TAAR2: variants seen among roughly 807,000 people sequenced by gnomAD.
TAAR2 encodes the protein trace amine associated receptor 2, also known as trace amine-associated receptor 2.
Under a neutral mutation model 25.5 loss-of-function variants are expected in TAAR2, and 30 were observed. The ratio of observed to expected loss-of-function variants is 1.18; its 90% CI spans 0.88 to 1.60. The LOEUF (loss-of-function observed/expected upper bound fraction) is 1.60. Among genes scored for constraint, TAAR2 ranks in the 40% most tolerant of loss-of-function variants. The pLI, the probability that TAAR2 is intolerant of heterozygous loss-of-function variation, is 0.00. For synonymous variants in TAAR2, 150 were observed against 142.4 expected, an observed-to-expected ratio of 1.05 and a Z score of -0.38; for missense variants, 481 against 416.5, an observed-to-expected ratio of 1.15 and a Z score of -1.35.
Position 132,618,062 on chromosome 6 carries a change from T to C in TAAR2, c.144A>G (p.Ser48=), listed in dbSNP as rs576144679. 1.9e-6 allele frequency: 3 copies of C among 1,614,050 alleles called. No individual in the cohort carries two copies. The East Asian group carries it at 6.7e-5, about 36-fold the overall frequency. ...TGATGAATATGGATCCTGCCATAAA[T>C]GAATACATAGCCACTCGGACACCCA... ...RSLGVRVAMY[S]FMAGSIFITI... Residue 48 remains serine (S), a synonymous_variant, in exon 2 of 2, where the codon TCA becomes TCG. Coordinates refer to ENST00000367931, the MANE Select transcript of TAAR2 (RefSeq NM_001033080.1).
At chr6:132,621,950 T>C (rs1777380823) in intron 1 of TAAR2, among the ~76,000 whole-genome samples, 1 of 151,540 alleles carries the variant, frequency 6.6e-6, no homozygotes, top group Non-Finnish European at 1.5e-5. Flanking sequence ...AAACCGTATC[T>C]TTCATATCTT....
At chr6:132,620,905 A>G (rs1297920176) in intron 1 of TAAR2, among the ~76,000 whole-genome samples, 1 of 151,838 alleles carries the variant, frequency 6.6e-6, no homozygotes, top group Non-Finnish European at 1.5e-5. Context: ...GACAGAAAGA[A>G]AAAAGAAGAG....
chr6:132,621,948 T>C (rs563047683), intron 1 of TAAR2, among the ~76,000 whole-genome samples: 16 of 151,652 alleles, frequency 1.1e-4, no homozygotes, highest in Middle Eastern at 3.4e-3. Flanking sequence ...AAAAACCGTA[T>C]CTTTCATATC....
At chr6:132,623,666 T>C (rs1777404448) in intron 1 of TAAR2, among the ~76,000 whole-genome samples, 1 of 146,270 alleles carries the variant, frequency 6.8e-6, no homozygotes, top group Non-Finnish European at 1.5e-5. Flanking sequence ...TGCTGATTTA[T>C]AACTTAACAA....
chr6:132,617,682 G>A lies in TAAR2; in HGVS notation c.524C>T (p.Ala175Val), dbSNP rs753995325. The A allele has an allele frequency of 8.7e-6, 14 of 1,613,862 alleles. No individual in the cohort carries two copies. In the South Asian group the frequency reaches 1.4e-4, roughly 16 times the overall value. ...LLCWSVPGAF[A>V]FGVVFSEAYA... ...GGCCTCTGAGAAGACCACCCCGAAG[G>A]CAAATGCTCCAGGGACCGACCAACA... Residue 175 changes from alanine to valine, a missense_variant, in exon 2 of 2, where the codon GCC (alanine) becomes GTC (valine). Ala to Val is a moderately conservative substitution (Grantham distance 64). Coordinates refer to ENST00000367931, the MANE Select transcript of TAAR2 (RefSeq NM_001033080.1).
rs373239852 is a variant in TAAR2 at position 132,617,884 on chromosome 6, A to C, written c.322T>G (p.Cys108Gly). Residue 108 changes from cysteine to glycine, a missense_variant, in exon 2 of 2, where the codon TGC (cysteine) becomes GGC (glycine). Cys to Gly is a radical substitution (Grantham distance 159). Coordinates refer to ENST00000367931, the MANE Select transcript of TAAR2 (RefSeq NM_001033080.1). ...PYSMIRSVEN[C>G]WYFGLTFCKI... ...CAAAATGTAAGCCCAAAATACCAGC[A>C]GTTCTCCACCGATCTGATCATACTA... The C allele has an allele frequency of 6.2e-7, 1 of 1,613,974 alleles. No homozygotes were observed. The highest frequency in any genetic ancestry group is 1.3e-5 in the African/African-American group (1 of 74,940).
At position 132,617,884 on chromosome 6, in the gene TAAR2, AG is replaced by A. The variant is rs1263114885; in HGVS notation, c.321del (p.Cys108AlafsTer17). On this transcript the variant is annotated frameshift_variant, in exon 2 of 2. Transcript: ENST00000367931. LOFTEE classifies it high-confidence loss of function. ...CAAAATGTAAGCCCAAAATACCAGC[AG>A]TTCTCCACCGATCTGATCATACTAT... ...MPYSMIRSVE[N>X]CWYFGLTFCK... 1 of 1,613,974 alleles carries A rather than the reference AG, an allele frequency of 6.2e-7. No homozygotes were observed. The highest frequency in any genetic ancestry group is 1.3e-5 in the African/African-American group (1 of 74,940).
At chr6:132,622,228 T>A (rs1445314692) in intron 1 of TAAR2, among the ~76,000 whole-genome samples, 1 of 151,796 alleles carries the variant, frequency 6.6e-6, no homozygotes, top group Non-Finnish European at 1.5e-5. Context: ...TCTACTAAAT[T>A]GTTAAAATAA....
intron 1 of TAAR2, 131 bp downstream of exon 1, chr6:132,624,085 A>T: frequency 1.1e-6 from 1 of 870,064 alleles, no homozygotes; most frequent in Non-Finnish European, 1.8e-6. Flanking sequence ...TTAAAAGAAC[A>T]CATTTCATCA....
intron 1 of TAAR2, among the ~76,000 whole-genome samples, chr6:132,623,836 T>A (rs530544467): frequency 8.2e-4 from 125 of 152,118 alleles, no homozygotes; most frequent in African/African-American, 3.0e-3. Context: ...CATTTAAGGC[T>A]CTAAGTCTGC....
intron 1 of TAAR2, among the ~76,000 whole-genome samples, chr6:132,620,477 G>A (rs9389012): frequency 0.45 from 68,750 of 152,036 alleles, 16,820 homozygotes; most frequent in East Asian, 0.72. Flanking sequence ...TGTACAACCA[G>A]TTCTTAAACT....
rs140563439 is a variant in TAAR2, at chr6:132,617,576, C to T, written c.630G>A (p.Gly210=). 5 of 1,613,996 alleles carry T rather than the reference C, an allele frequency of 3.1e-6. No individual in the cohort carries two copies. The South Asian group carries it at 3.3e-5, about 11-fold the overall frequency. The change falls in exon 2 of 2, where the codon GGG becomes GGA. Residue 210 remains glycine, a synonymous_variant. Transcript: ENST00000367931. ...AGAAACCTGCCATAAACAAGGTGGTCCCCCATAGCTTGTTGAACATCACTG... is the reference window on the plus strand; with the variant it reads ...AGAAACCTGCCATAAACAAGGTGGTTCCCCATAGCTTGTTGAACATCACTG... ...SCPVMFNKLW[G]TTLFMAGFFT...
chr6:132,617,641 CTA>C lies in TAAR2; in HGVS notation c.563_564del (p.Ile188ArgfsTer4). ...VVFSEAYADGIEGYDILVACS... is the reference protein window; with the variant it reads ...VVFSEAYADGXEGYDILVACS... ...CAAGCAACCAAGATGTCATAGCCCT[CTA>C]TTCCATCTGCATAGGCCTCTGAGAA... On this transcript the variant is annotated frameshift_variant, in exon 2 of 2. Coordinates refer to ENST00000367931, the MANE Select transcript of TAAR2 (RefSeq NM_001033080.1). LOFTEE classifies it high-confidence loss of function. 3 of 1,613,988 alleles carry C rather than the reference CTA, an allele frequency of 1.9e-6. No individual in the cohort carries two copies. Among genetic ancestry groups the C allele is most frequent in the Non-Finnish European group, 2.5e-6 (3 of 1,179,980 alleles).
intron 1 of TAAR2, among the ~76,000 whole-genome samples, chr6:132,623,679 C>T (rs889170792): frequency 1.4e-5 from 2 of 145,754 alleles, no homozygotes; most frequent in Non-Finnish European, 3.0e-5. Flanking sequence ...CTTAACAATT[C>T]GTCTTAAGGG....
At chr6:132,619,566 A>G (rs765893763) in intron 1 of TAAR2, among the ~76,000 whole-genome samples, 18 of 152,158 alleles carry the variant, frequency 1.2e-4, no homozygotes, top group Non-Finnish European at 1.9e-4. Flanking sequence ...AATGTCCACA[A>G]TATGAAAGAT....
intron 1 of TAAR2, among the ~76,000 whole-genome samples, chr6:132,620,786 T>TA (rs1021043229): frequency 1.5e-5 from 2 of 133,052 alleles, no homozygotes; most frequent in African/African-American, 6.2e-5. Flanking sequence ...AAATAAAAGT[T>TA]AAAAAAACAT....
chr6:132,619,131 C>G (rs1434050730), intron 1 of TAAR2, among the ~76,000 whole-genome samples: 1 of 152,162 alleles, frequency 6.6e-6, no homozygotes, highest in East Asian at 1.9e-4. Flanking sequence ...GCAAGTGTAA[C>G]TCAGAGCCCT....
At chr6:132,622,900 T>C (rs916781462) in intron 1 of TAAR2, among the ~76,000 whole-genome samples, 2 of 152,310 alleles carry the variant, frequency 1.3e-5, no homozygotes, top group Non-Finnish European at 2.9e-5. Flanking sequence ...CTTTTGATTG[T>C]TCAATTTCTA....
At position 132,617,596 on chromosome 6, in the gene TAAR2, T is replaced by G; in HGVS notation, c.610A>C (p.Met204Leu). The G allele has an allele frequency of 6.2e-7, 1 of 1,613,988 alleles. No homozygotes were observed. The highest frequency in any genetic ancestry group is 8.5e-7 in the Non-Finnish European group (1 of 1,179,986). Reference protein sequence around the residue: ...LVACSSSCPVMFNKLWGTTLF... With the variant: ...LVACSSSCPVLFNKLWGTTLF... ...GTGGTCCCCCATAGCTTGTTGAACA[T>G]CACTGGGCAGGAACTGGAACAAGCA... The change falls in exon 2 of 2, where the codon ATG becomes CTG. Residue 204 changes from methionine to leucine, a missense_variant. Transcript: ENST00000367931.
Sources: gnomAD v4.1 joint callset for allele counts (sites outside exome capture counted in the v4.1 genomes callset) on GRCh38, gnomAD v4.1.1 for gene constraint, MANE v1.5 for transcripts, NCBI Gene and HGNC (gene_info 2026-07-23, HGNC 2026-07-21) for gene names.